Variants in MAML2 observed in about 807,000 individuals in gnomAD.
MAML2 encodes mastermind like transcriptional coactivator 2, also known as mastermind-like protein 2.
MAML2 carries 22 observed loss-of-function variants against 96.1 expected under a neutral mutation model. That is an observed-to-expected ratio of 0.23 (90% confidence interval 0.16 to 0.33). The LOEUF (loss-of-function observed/expected upper bound fraction) is 0.33. Ranked by LOEUF, MAML2 falls within the 10% of genes least tolerant of loss-of-function variation. The pLI, the probability that MAML2 is intolerant of heterozygous loss-of-function variation, is 1.00. For synonymous variants in MAML2, 561 were observed against 521.3 expected (o/e 1.08, Z -1.04); for missense variants, 1,367 against 1,392.4 (o/e 0.98, Z 0.29).
intron 1 of MAML2, among the ~76,000 whole-genome samples, chr11:96,288,344 C>G (rs1486096984): frequency 1.3e-5 from 2 of 151,896 alleles, no homozygotes; most frequent in Non-Finnish European, 2.9e-5. Context: ...GAGTTTGAGA[C>G]CAGCCTGGCC....
At chr11:96,159,235 G>A (rs1861058917) in intron 1 of MAML2, among the ~76,000 whole-genome samples, 1 of 151,986 alleles carries the variant, frequency 6.6e-6, no homozygotes, top group Non-Finnish European at 1.5e-5. Flanking sequence ...AAAATGTAAA[G>A]CTTACCAAAT....
chr11:96,294,606 A>T (rs1246727458), intron 1 of MAML2, among the ~76,000 whole-genome samples: 4 of 152,214 alleles, frequency 2.6e-5, no homozygotes, highest in African/African-American at 9.6e-5. Flanking sequence ...GGTATAGTAA[A>T]CAAATATTTC....
intron 2 of MAML2, among the ~76,000 whole-genome samples, chr11:96,077,768 C>A (rs548955130): frequency 6.6e-6 from 1 of 152,310 alleles, no homozygotes; most frequent in Admixed American, 6.5e-5. Context: ...GGTGTGGCTG[C>A]AGCGGTGGTG....
intron 2 of MAML2, among the ~76,000 whole-genome samples, chr11:96,028,312 A>G (rs1858556941): frequency 6.6e-6 from 1 of 152,178 alleles, no homozygotes; most frequent in African/African-American, 2.4e-5. Flanking sequence ...TTTCTCTCTT[A>G]TAAGCATTTT....
At chr11:96,038,046 T>C (rs532151) in intron 2 of MAML2, among the ~76,000 whole-genome samples, 14,841 of 152,194 alleles carry the variant, frequency 0.098, 1,325 homozygotes, top group African/African-American at 0.24. Flanking sequence ...GGCATCTATA[T>C]TTTACTCGTA....
chr11:96,147,133 A>G (rs1430121193), intron 1 of MAML2, among the ~76,000 whole-genome samples: 1 of 152,242 alleles, frequency 6.6e-6, no homozygotes, highest in African/African-American at 2.4e-5. Flanking sequence ...AAAATTTGTA[A>G]TAAGTAATTA....
chr11:96,150,972 A>G (rs1453597658), intron 1 of MAML2, among the ~76,000 whole-genome samples: 1 of 152,228 alleles, frequency 6.6e-6, no homozygotes, highest in African/African-American at 2.4e-5. Flanking sequence ...CCGAATCTAA[A>G]TGTATACTTT....
chr11:96,096,217 T>G (rs1859824956), intron 1 of MAML2, among the ~76,000 whole-genome samples: 1 of 152,222 alleles, frequency 6.6e-6, no homozygotes, highest in Non-Finnish European at 1.5e-5. Flanking sequence ...CTCACTGCTC[T>G]GGCCACTCCC....
At position 96,269,025 on chromosome 11, in the gene MAML2, C is replaced by T. The variant is rs747080032; in HGVS notation, c.513+72358G>A. Among the ~76,000 whole-genome samples the T allele has an allele frequency of 4.1e-5, 6 of 145,014 alleles. 1 individual carries two copies. The highest frequency in any genetic ancestry group is 9.0e-5 in the Non-Finnish European group (6 of 66,964). ...TAAATCTCTAAAACTGAGAAACATA[C>T]TCAGAAAGTTATGAAACAATATAAT... is the stretch of plus-strand genomic sequence containing the variant. On this transcript the variant is annotated intron_variant, in intron 1 of 4. Coordinates refer to ENST00000524717, the MANE Select transcript of MAML2 (RefSeq NM_032427.4).
At chr11:96,181,158 G>A (rs975434475) in intron 1 of MAML2, among the ~76,000 whole-genome samples, 3 of 152,182 alleles carry the variant, frequency 2.0e-5, no homozygotes, top group African/African-American at 7.2e-5. Context: ...TCAGGCCACT[G>A]GGCGTATACG....
chr11:96,201,207 A>G (rs523157), intron 1 of MAML2, among the ~76,000 whole-genome samples: 105,130 of 151,964 alleles, frequency 0.69, 36,594 homozygotes, highest in Middle Eastern at 0.8. Context: ...AAACATTTCT[A>G]CTATGTAGAC....
rs1857662255 is a variant in MAML2 at position 95,977,105 on chromosome 11, C to T, written c.*1843G>A. On this transcript the variant is annotated 3_prime_UTR_variant, in exon 5 of 5. Transcript: ENST00000524717. Reference sequence around the variant, plus strand: ...TTTTCAAAAGTTCCCACTCAACCACCTATGGTTTAAGTGTAGAGCTAAAAA... The same window carrying T: ...TTTTCAAAAGTTCCCACTCAACCACTTATGGTTTAAGTGTAGAGCTAAAAA... 4 of 198,148 alleles carry T rather than the reference C, an allele frequency of 2.0e-5. No individual in the cohort carries two copies. The East Asian group carries it at 3.1e-4, about 16-fold the overall frequency. 12.3% of individuals were successfully genotyped at this position (198,148 alleles called of 1,614,324 possible). A position where few individuals can be genotyped will look rare whatever the true frequency, so the allele number is the denominator to read the frequency against.
intron 2 of MAML2, among the ~76,000 whole-genome samples, chr11:96,086,905 G>A (rs1437839760): frequency 6.6e-6 from 1 of 152,138 alleles, no homozygotes; most frequent in Non-Finnish European, 1.5e-5. Context: ...TCCCGAGGTG[G>A]TGATTTTGCC....
At chr11:96,008,851 A>G (rs980149106) in intron 2 of MAML2, among the ~76,000 whole-genome samples, 6 of 152,240 alleles carry the variant, frequency 3.9e-5, no homozygotes, top group Non-Finnish European at 5.9e-5. Context: ...ATCCCAGGAC[A>G]TGATTTCCTT....
intron 1 of MAML2, among the ~76,000 whole-genome samples, chr11:96,163,970 C>A (rs2135892335): frequency 6.6e-6 from 1 of 150,606 alleles, no homozygotes; most frequent in African/African-American, 2.4e-5. Context: ...TCAAGCGATT[C>A]TCCTACCTCA....
intron 1 of MAML2, among the ~76,000 whole-genome samples, chr11:96,160,573 G>A (rs1049644669): frequency 2.6e-5 from 4 of 151,780 alleles, no homozygotes; most frequent in Non-Finnish European, 5.9e-5. Context: ...GATTACAGGC[G>A]CCTGCCACTA....
chr11:96,230,031 G>A (rs1862269908), intron 1 of MAML2, among the ~76,000 whole-genome samples: 2 of 152,100 alleles, frequency 1.3e-5, no homozygotes, highest in African/African-American at 4.8e-5. Context: ...TCCTCAATAG[G>A]ATAAGCTGAA....
intron 2 of MAML2, among the ~76,000 whole-genome samples, chr11:96,073,774 A>T (rs554730622): frequency 6.6e-6 from 1 of 152,338 alleles, no homozygotes; most frequent in Non-Finnish European, 1.5e-5. Flanking sequence ...AGAAGGTGAT[A>T]CGGCTCTGGT....
intron 1 of MAML2, among the ~76,000 whole-genome samples, chr11:96,277,171 G>T (rs1406422689): frequency 6.6e-6 from 1 of 152,144 alleles, no homozygotes; most frequent in African/African-American, 2.4e-5. Context: ...GCATGTAGAG[G>T]ATACACCATT....
Sources: gnomAD v4.1 joint callset for allele counts (sites outside exome capture counted in the v4.1 genomes callset) on GRCh38, gnomAD v4.1.1 for gene constraint, MANE v1.5 for transcripts, NCBI Gene and HGNC (gene_info 2026-07-23, HGNC 2026-07-21) for gene names.